Variants in CALN1 observed in about 807,000 individuals in gnomAD.
CALN1 encodes the protein calneuron 1, also known as calcium-binding protein 8.
Under a neutral mutation model 30.6 loss-of-function variants are expected in CALN1, and 17 were observed. That is an observed-to-expected ratio of 0.56 (90% CI 0.38 to 0.83). The LOEUF is 0.83. CALN1 is among the 40% of genes least tolerant of loss of function. The pLI is 0.00. For missense variants in CALN1, 291 were observed against 354.9 expected (o/e 0.82, Z 1.45); for synonymous variants, 156 against 131.4 (o/e 1.19, Z -1.28).
intron 5 of CALN1, among the ~76,000 whole-genome samples, chr7:71,844,261 T>C (rs1317253576): frequency 3.3e-5 from 5 of 152,238 alleles, no homozygotes; most frequent in African/African-American, 7.2e-5. Context: ...CAGATAATAT[T>C]TGCTCCTCCC....
chr7:72,415,178 G>A (rs755203190), upstream of CALN1, among the ~76,000 whole-genome samples: 4 of 152,202 alleles, frequency 2.6e-5, no homozygotes, highest in Admixed American at 6.5e-5. Context: ...CTCCCCACCC[G>A]CTAGTCTATG....
At chr7:72,449,382 C>G (rs1808611114), upstream of CALN1, among the ~76,000 whole-genome samples, 1 of 152,154 alleles carries the variant, frequency 6.6e-6, no homozygotes. Context: ...TCTCCCAGAT[C>G]CTAGCCACTT....
At chr7:71,861,618 A>G (rs1319482101) in intron 5 of CALN1, among the ~76,000 whole-genome samples, 1 of 151,838 alleles carries the variant, frequency 6.6e-6, no homozygotes, top group East Asian at 1.9e-4. Flanking sequence ...CTACGAAAAA[A>G]AAAATTACAA....
intron 3 of CALN1, among the ~76,000 whole-genome samples, chr7:72,200,513 G>C (rs1445442033): frequency 6.6e-6 from 1 of 152,144 alleles, no homozygotes; most frequent in Non-Finnish European, 1.5e-5. Flanking sequence ...GAGCTCCACT[G>C]TGTGGATGAA....
intron 6 of CALN1, among the ~76,000 whole-genome samples, chr7:71,796,255 A>G (rs1241382780): frequency 6.6e-6 from 1 of 152,068 alleles, no homozygotes; most frequent in Non-Finnish European, 1.5e-5. Context: ...TGCCGCTATG[A>G]ACATCCATGC....
At position 72,216,063 on chromosome 7, in the gene CALN1, C is replaced by A. The variant is rs190327778; in HGVS notation, c.244+62623G>T. On this transcript the variant is annotated intron_variant, in intron 3 of 6. Coordinates refer to ENST00000395275, the MANE Select transcript of CALN1 (RefSeq NM_031468.4). Reference sequence around the variant, plus strand: ...CCTCCCTCCCCACCAATAAACCTTGCACACTTGATCTCAACATCTGCCTCC... The same window carrying A: ...CCTCCCTCCCCACCAATAAACCTTGAACACTTGATCTCAACATCTGCCTCC... Among the ~76,000 whole-genome samples, 94 of 152,254 alleles carry A rather than the reference C, an allele frequency of 6.2e-4. 1 individual carries two copies. The highest frequency in any genetic ancestry group is 2.2e-3 in the African/African-American group (92 of 41,538).
chr7:72,279,182 ACT>A (rs1194263928), intron 2 of CALN1, among the ~76,000 whole-genome samples: 1 of 152,162 alleles, frequency 6.6e-6, no homozygotes, highest in Non-Finnish European at 1.5e-5. Flanking sequence ...GTAAGGAAGG[ACT>A]GAGAATCCCA....
At chr7:72,320,420 G>A (rs1800792517) in intron 2 of CALN1, among the ~76,000 whole-genome samples, 1 of 152,080 alleles carries the variant, frequency 6.6e-6, no homozygotes, top group Non-Finnish European at 1.5e-5. Flanking sequence ...GCTCTTATTG[G>A]GGAAGCAAGA....
At chr7:72,149,757 C>T (rs1239514382) in intron 3 of CALN1, among the ~76,000 whole-genome samples, 2 of 152,088 alleles carry the variant, frequency 1.3e-5, no homozygotes, top group African/African-American at 4.8e-5. Flanking sequence ...CTCATTACCA[C>T]AGTGATTGGC....
At chr7:72,502,400 C>CAT in the CALN1 span, among the ~76,000 whole-genome samples, 8 of 148,762 alleles carry the variant, frequency 5.4e-5, no homozygotes, top group African/African-American at 2.0e-4. Context: ...AAATATATTA[C>CAT]ATATATATAC....
chr7:71,891,648 T>C (rs1284592943), intron 5 of CALN1, among the ~76,000 whole-genome samples: 1 of 152,158 alleles, frequency 6.6e-6, no homozygotes, highest in Non-Finnish European at 1.5e-5. Context: ...TCCTAGCATA[T>C]AACAAGTGCT....
chr7:72,213,102 G>A (rs1037278992), intron 3 of CALN1, among the ~76,000 whole-genome samples: 1 of 152,180 alleles, frequency 6.6e-6, no homozygotes, highest in Admixed American at 6.5e-5. Context: ...TGAAGACGTG[G>A]GTCCGTTCTG....
chr7:72,457,409 A>T, the CALN1 span, among the ~76,000 whole-genome samples: 1 of 152,154 alleles, frequency 6.6e-6, no homozygotes, highest in Non-Finnish European at 1.5e-5. Context: ...CTGAAAGTAC[A>T]TGGTCTCCAG....
At chr7:72,211,955 C>G (rs2129548279) in intron 3 of CALN1, among the ~76,000 whole-genome samples, 1 of 152,276 alleles carries the variant, frequency 6.6e-6, no homozygotes, top group East Asian at 1.9e-4. Context: ...TCATGTAAGA[C>G]TTAAGACCCG....
intron 5 of CALN1, among the ~76,000 whole-genome samples, chr7:71,853,398 AATCT>A (rs1244638332): frequency 1.3e-5 from 2 of 152,128 alleles, no homozygotes; most frequent in Non-Finnish European, 2.9e-5. Flanking sequence ...TGGCTAAATC[AATCT>A]ATTTAACATA....
intron 4 of CALN1, among the ~76,000 whole-genome samples, chr7:72,025,665 A>C (rs1334460927): frequency 1.3e-5 from 2 of 152,158 alleles, no homozygotes. Context: ...CACCCTCTGA[A>C]CTGCTCAAAA....
the CALN1 span, among the ~76,000 whole-genome samples, chr7:72,499,826 C>CTTCCTTCT: frequency 1.3e-4 from 7 of 53,272 alleles, 1 homozygote; most frequent in Non-Finnish European, 2.1e-4. Flanking sequence ...TCCTTCCTTC[C>CTTCCTTCT]TTCTTTCTTT....
intron 3 of CALN1, among the ~76,000 whole-genome samples, chr7:72,138,987 C>G (rs566085251): frequency 6.6e-6 from 1 of 152,198 alleles, no homozygotes; most frequent in African/African-American, 2.4e-5. Flanking sequence ...CATCATCTAG[C>G]GTTCAATCTC....
chr7:72,076,615 A>C, intron 4 of CALN1, among the ~76,000 whole-genome samples: 1 of 80,950 alleles, frequency 1.2e-5, no homozygotes, highest in African/African-American at 5.6e-5. Flanking sequence ...AAAAAGCAAA[A>C]AAAAAAAAAA....
Sources: allele counts gnomAD v4.1 joint callset (sites outside exome capture counted in the v4.1 genomes callset), GRCh38; gene constraint gnomAD v4.1.1; transcripts MANE v1.5; gene names NCBI Gene and HGNC (gene_info 2026-07-23, HGNC 2026-07-21).